Variants in CCDC39 observed in about 807,000 individuals in gnomAD.
The protein encoded by CCDC39 is coiled-coil domain-containing protein 39.
CCDC39 carries 113 observed loss-of-function variants against 121.0 expected under a neutral mutation model. The observed-to-expected ratio is 0.93, with a 90% CI of 0.80 to 1.09. CCDC39 has a LOEUF of 1.09. Ranked by LOEUF, CCDC39 falls within the 50% of genes least tolerant of loss-of-function variation. The pLI is 0.00. For missense variants in CCDC39, 1,063 were observed against 1,074.7 expected (o/e 0.99, Z 0.15); for synonymous variants, 349 against 352.2 (o/e 0.99, Z 0.10).
Position 180,633,141 on chromosome 3 carries a change from G to A in CCDC39, c.1875-1549C>T, listed in dbSNP as rs185373004. On this transcript the variant is annotated intron_variant, in intron 13 of 19. Coordinates refer to ENST00000476379, the MANE Select transcript of CCDC39 (RefSeq NM_181426.2). ...CTCTTTACAGGACAAACTAGCACGA[G>A]CCTACAATCAGCCCTCCCATTTAGA... Among the ~76,000 whole-genome samples, 20 of 152,312 alleles carry A rather than the reference G, an allele frequency of 1.3e-4. No individual in the cohort carries two copies. The East Asian group carries it at 3.9e-3, about 29-fold the overall frequency.
chr3:180,677,129 A>AAAACTT (rs1712235934), intron 1 of CCDC39, among the ~76,000 whole-genome samples: 2 of 133,544 alleles, frequency 1.5e-5, no homozygotes, highest in South Asian at 2.4e-4. Context: ...CATGTACCCT[A>AAAACTT]AAACTTAAAG....
chr3:180,615,474 A>G (rs1172497013), intron 19 of CCDC39, among the ~76,000 whole-genome samples: 1 of 152,278 alleles, frequency 6.6e-6, no homozygotes, highest in East Asian at 1.9e-4. Context: ...AGAAGAGAGA[A>G]GCATATTGAT....
At chr3:180,647,274 C>T (rs1171788357) in intron 10 of CCDC39, 31 bp from the exon 11 acceptor site, 1 of 1,488,356 alleles carries the variant, frequency 6.7e-7, no homozygotes, top group African/African-American at 1.4e-5. Context: ...AAAGGTATTA[C>T]AAAGAAAAAA....
At chr3:180,615,807 A>T (rs1717209876) in intron 19 of CCDC39, among the ~76,000 whole-genome samples, 1 of 152,158 alleles carries the variant, frequency 6.6e-6, no homozygotes. Context: ...CAGAAGAAAA[A>T]AAAAGGGGTT....
intron 10 of CCDC39, 97 bp downstream of exon 10, chr3:180,648,068 G>C: frequency 1.0e-6 from 1 of 965,586 alleles, no homozygotes; most frequent in Non-Finnish European, 1.5e-6. Flanking sequence ...CTCCACAAAA[G>C]GGCTTATAAT....
At position 180,642,070 on chromosome 3, in the gene CCDC39, T is replaced by G. The variant is rs114128856; in HGVS notation, c.1797A>C (p.Arg599=). 5.5e-5 allele frequency: 89 copies of G among 1,612,774 alleles called. No individual in the cohort carries two copies. The African/African-American group carries it at 1.1e-3, about 20-fold the overall frequency. The change falls in exon 13 of 20, where the codon CGA becomes CGC. Residue 599 remains arginine, a synonymous_variant. Transcript: ENST00000476379. ...KQQLYTAMEE[R]TEEIKVHKTM... is the part of the protein sequence containing the mutation. ...TTTTATGAACCTTGATTTCTTCAGT[T>G]CGCTCTTCCATTGCTGTGTATAATT...
chr3:180,642,277 A>G, intron 12 of CCDC39, 76 bp from the exon 13 acceptor site: 1 of 804,770 alleles, frequency 1.2e-6, no homozygotes. Context: ...ATTGCTATAT[A>G]AGTAAAACTT....
At chr3:180,655,067 C>A (rs1711550621) in intron 6 of CCDC39, 114 bp from the exon 7 acceptor site, 4 of 592,344 alleles carry the variant, frequency 6.8e-6, no homozygotes, top group Non-Finnish European at 1.1e-5. Flanking sequence ...ACCAAAACTT[C>A]TTAGAAGACA....
chr3:180,621,996 T>G (rs1325511483), intron 14 of CCDC39, among the ~76,000 whole-genome samples: 1 of 152,198 alleles, frequency 6.6e-6, no homozygotes, highest in Non-Finnish European at 1.5e-5. Flanking sequence ...GCATTGAATC[T>G]GTAGATTCCT....
chr3:180,616,696 C>T lies in CCDC39; in HGVS notation c.2407-1G>A. ...GGATTTCCTTTGTGAGTTTTGCACA[C>T]TGTTGGTAAATAATAGTCAATTATT... On this transcript the variant is annotated splice_acceptor_variant, in intron 17 of 19. Coordinates refer to ENST00000476379, the MANE Select transcript of CCDC39 (RefSeq NM_181426.2). LOFTEE classifies it high-confidence loss of function. 2 of 1,585,274 alleles carry T rather than the reference C, an allele frequency of 1.3e-6. No homozygotes were observed. The highest frequency in any genetic ancestry group is 1.7e-6 in the Non-Finnish European group (2 of 1,164,104).
intron 19 of CCDC39, among the ~76,000 whole-genome samples, 172 bp downstream of exon 19, chr3:180,616,109 G>C (rs549347242): frequency 6.6e-6 from 1 of 152,306 alleles, no homozygotes; most frequent in East Asian, 1.9e-4. Flanking sequence ...TCTGCTGGCT[G>C]TTTCTGCATC....
intron 1 of CCDC39, among the ~76,000 whole-genome samples, chr3:180,674,326 T>A (rs1011821110): frequency 7.9e-5 from 12 of 152,152 alleles, no homozygotes; most frequent in Non-Finnish European, 8.8e-5. Flanking sequence ...GCACATTGAT[T>A]TTGTATCCTG....
chr3:180,666,502 CAA>C (rs1711881295), intron 1 of CCDC39, among the ~76,000 whole-genome samples: 1 of 152,124 alleles, frequency 6.6e-6, no homozygotes, highest in African/African-American at 2.4e-5. Context: ...GTACTTTTGT[CAA>C]AGTCTACTTG....
chr3:180,627,446 T>C (rs1333085843), intron 14 of CCDC39, among the ~76,000 whole-genome samples: 4 of 152,206 alleles, frequency 2.6e-5, no homozygotes, highest in Non-Finnish European at 5.9e-5. Flanking sequence ...GAGTTGAATT[T>C]GTTCATTTTA....
chr3:180,664,732 G>A (rs2108431398), intron 1 of CCDC39, among the ~76,000 whole-genome samples: 1 of 145,014 alleles, frequency 6.9e-6, no homozygotes, highest in Admixed American at 7.0e-5. Context: ...TCTTGCTCTT[G>A]TCACCCAGGC....
chr3:180,656,990 A>G (rs999819301), intron 6 of CCDC39, among the ~76,000 whole-genome samples: 1 of 152,194 alleles, frequency 6.6e-6, no homozygotes, highest in Non-Finnish European at 1.5e-5. Flanking sequence ...TGCCTATGGA[A>G]TAGCCATTCC....
At chr3:180,669,431 TTATCA>T (rs1351292956) in intron 1 of CCDC39, among the ~76,000 whole-genome samples, 1 of 152,256 alleles carries the variant, frequency 6.6e-6, no homozygotes, top group Admixed American at 6.5e-5. Flanking sequence ...ACTGAAACTT[TTATCA>T]TATTGTCTTC....
rs79452754 is a variant in CCDC39 at position 180,641,129 on chromosome 3, A to G, written c.1874+864T>C. Among the ~76,000 whole-genome samples the G allele has an allele frequency of 3.6e-3, 546 of 152,226 alleles. 7 individuals are homozygous for G. The highest frequency in any genetic ancestry group is 0.012 in the African/African-American group (511 of 41,568). ...ATGTAAGGTTGGTTTGACTTTGAAA[A>G]ATTGATCAATATGATTAAACACAAC... On this transcript the variant is annotated intron_variant, in intron 13 of 19. Coordinates refer to ENST00000476379, the MANE Select transcript of CCDC39 (RefSeq NM_181426.2).
chr3:180,633,671 A>G (rs1717755674), intron 13 of CCDC39, among the ~76,000 whole-genome samples: 1 of 152,234 alleles, frequency 6.6e-6, no homozygotes, highest in Non-Finnish European at 1.5e-5. Flanking sequence ...AACATCTAGT[A>G]AAAATGAGCA....
Sources: gnomAD v4.1 joint callset for allele counts (sites outside exome capture counted in the v4.1 genomes callset) on GRCh38, gnomAD v4.1.1 for gene constraint, MANE v1.5 for transcripts, NCBI Gene and HGNC (gene_info 2026-07-23, HGNC 2026-07-21) for gene names.